DSG2: variants seen among roughly 807,000 people sequenced by gnomAD.
DSG2 encodes desmoglein 2, also known as desmoglein-2.
A neutral mutation model predicts 75.6 loss-of-function variants in DSG2; 45 were observed. That is an observed-to-expected ratio of 0.60 (90% CI 0.47 to 0.76). The LOEUF is 0.76. Ranked by LOEUF, DSG2 falls within the 30% of genes least tolerant of loss-of-function variation. The pLI, the probability that DSG2 is intolerant of heterozygous loss-of-function variation, is 0.00. For missense variants in DSG2, 1,267 were observed against 1,357.4 expected (o/e 0.93, Z 1.05); for synonymous variants, 429 against 483.9 (o/e 0.89, Z 1.49).
Position 31,548,652 on chromosome 18 carries a change from A to C in DSG2, c.*1909A>C, listed in dbSNP as rs554120617. 1.3e-5 allele frequency: 2 copies of C among 152,324 alleles called. No homozygotes were observed. The highest frequency in any genetic ancestry group is 2.1e-4 in the South Asian group (1 of 4,834). The allele number at this position is 152,324 out of a possible 1,614,324, so 9.4% of individuals were successfully genotyped here. The stretch of plus-strand genomic sequence containing the variant: ...AAATGTAAATATCACTTGTGTACTC[A>C]AACAAAAGTTGGTCTTAAGCTTCCA... On this transcript the variant is annotated 3_prime_UTR_variant, in exon 15 of 15. Transcript: ENST00000261590.
intron 1 of DSG2, among the ~76,000 whole-genome samples, chr18:31,502,117 A>G (rs961674487): frequency 6.6e-6 from 1 of 152,204 alleles, no homozygotes; most frequent in Non-Finnish European, 1.5e-5. Context: ...TTCTTTAATT[A>G]TAACTTAAGG....
chr18:31,531,226 G>A lies in DSG2; in HGVS notation c.1254G>A (p.Glu418=), dbSNP rs1296328458. 1.2e-6 allele frequency: 2 copies of A among 1,614,184 alleles called. No individual in the cohort carries two copies. The highest frequency in any genetic ancestry group is 8.5e-7 in the Non-Finnish European group (1 of 1,180,026). Residue 418 remains glutamate (E), a synonymous_variant, in exon 9 of 15, where the codon GAG becomes GAA. Transcript: ENST00000261590. ...QIIGNFQAFD[E]DTGLPAHARY... ...TTGGAAATTTTCAAGCTTTTGATGA[G>A]GACACTGGACTACCAGCCCATGCAA...
chr18:31,540,876 A>C (rs1442662357), intron 12 of DSG2, among the ~76,000 whole-genome samples: 1 of 152,272 alleles, frequency 6.6e-6, no homozygotes, highest in Middle Eastern at 3.4e-3. Context: ...TAAAAAAATT[A>C]ATCTTTAAGC....
At chr18:31,536,048 A>T (rs1173941526) in intron 10 of DSG2, among the ~76,000 whole-genome samples, 154 bp from the exon 11 acceptor site, 1 of 152,234 alleles carries the variant, frequency 6.6e-6, no homozygotes, top group African/African-American at 2.4e-5. Flanking sequence ...GGATTAAAAG[A>T]TATTACTTGG....
intron 1 of DSG2, among the ~76,000 whole-genome samples, chr18:31,512,878 G>A (rs572625794): frequency 6.6e-6 from 1 of 152,128 alleles, no homozygotes; most frequent in South Asian, 2.1e-4. Flanking sequence ...CATCCAACAG[G>A]GTAAGAATAT....
chr18:31,538,336 A>G (rs1014085143), intron 11 of DSG2, among the ~76,000 whole-genome samples: 8 of 152,256 alleles, frequency 5.3e-5, no homozygotes, highest in Non-Finnish European at 1.2e-4. Context: ...GAGGATGGGT[A>G]CCATGGGGGT....
Position 31,547,879 on chromosome 18 carries a change from G to A in DSG2, c.*1136G>A, listed in dbSNP as rs764985189. ...TTCTAAACAGCTACAATTCAGTGCAGCTACATTAACCAACTATGTTCTCTA... is the reference window on the plus strand; with the variant it reads ...TTCTAAACAGCTACAATTCAGTGCAACTACATTAACCAACTATGTTCTCTA... On this transcript the variant is annotated 3_prime_UTR_variant, in exon 15 of 15. Coordinates refer to ENST00000261590, the MANE Select transcript of DSG2 (RefSeq NM_001943.5). The A allele has an allele frequency of 3.3e-5, 5 of 152,086 alleles. 1 individual carries two copies. The highest frequency in any genetic ancestry group is 9.7e-5 in the African/African-American group (4 of 41,398). The allele number at this position is 152,086 out of a possible 1,614,324, so 9.4% of individuals were successfully genotyped here.
rs587782939 is a variant in DSG2, at chr18:31,524,889, G to A, written c.1014+1G>A. ...CGAAGGAATTGTGACCCTTATTAAG[G>A]TAAGTACTAAGTATTCAAAACTGGC... On this transcript the variant is annotated splice_donor_variant, in intron 8 of 14. Coordinates refer to ENST00000261590, the MANE Select transcript of DSG2 (RefSeq NM_001943.5). LOFTEE classifies it high-confidence loss of function. 1.9e-6 allele frequency: 3 copies of A among 1,614,000 alleles called. No individual in the cohort carries two copies. Among genetic ancestry groups the A allele is most frequent in the Admixed American group, 1.7e-5 (1 of 60,010 alleles).
rs1233398655 is a variant in DSG2, at chr18:31,538,619, A to G, written c.1652-132A>G. On this transcript the variant is annotated intron_variant, in intron 11 of 14. Coordinates refer to ENST00000261590, the MANE Select transcript of DSG2 (RefSeq NM_001943.5). ...CAAATTTTAATGAGCACACTTCAAT[A>G]AGTGAAGGAAGAACAAAGTACCTAA... The G allele has an allele frequency of 6.1e-6, 5 of 815,052 alleles. No individual in the cohort carries two copies. The African/African-American group carries it at 8.5e-5, about 14-fold the overall frequency. The allele number at this position is 815,052 out of a possible 1,614,324, so 50.5% of individuals were successfully genotyped here.
intron 2 of DSG2, among the ~76,000 whole-genome samples, chr18:31,518,510 C>T (rs72938891): frequency 0.015 from 2,234 of 152,204 alleles, 23 homozygotes; most frequent in Middle Eastern, 0.034. Flanking sequence ...AAAGAATGTC[C>T]ATGACGAGGT....
rs73416260 is a variant in DSG2 at position 31,525,107 on chromosome 18, G to T, written c.1014+219G>T. 0.024 allele frequency among the ~76,000 whole-genome samples: 3,602 copies of T among 152,278 alleles called. 153 individuals carry two copies. The highest frequency in any genetic ancestry group is 0.082 in the African/African-American group (3,392 of 41,542). ...TATCAGGGGACTCTAATCCTAGCCAGACAGCATGGTACCACCATCATTACT... is the reference window on the plus strand; with the variant it reads ...TATCAGGGGACTCTAATCCTAGCCATACAGCATGGTACCACCATCATTACT... On this transcript the variant is annotated intron_variant, in intron 8 of 14. Transcript: ENST00000261590.
At chr18:31,517,865 G>T (rs1383969018) in intron 1 of DSG2, among the ~76,000 whole-genome samples, 1 of 152,116 alleles carries the variant, frequency 6.6e-6, no homozygotes. Flanking sequence ...AGCTGGGTGT[G>T]GGGTACATTA....
chr18:31,527,287 A>G (rs1369992388), intron 8 of DSG2, among the ~76,000 whole-genome samples: 1 of 152,242 alleles, frequency 6.6e-6, no homozygotes, highest in African/African-American at 2.4e-5. Context: ...GTAGGTGTAT[A>G]GTAGGCTTTA....
chr18:31,535,566 C>T (rs968437771), intron 10 of DSG2, among the ~76,000 whole-genome samples, 154 bp downstream of exon 10: 1 of 152,098 alleles, frequency 6.6e-6, no homozygotes, highest in African/African-American at 2.4e-5. Flanking sequence ...GAGGCCAAGG[C>T]AGGTGGATCA....
At chr18:31,542,255 C>A in intron 13 of DSG2, 1 of 526,612 alleles carries the variant, frequency 1.9e-6, no homozygotes, top group South Asian at 2.1e-5. Context: ...GTTGAAATGC[C>A]ATTGGTCGCA....
intron 9 of DSG2, among the ~76,000 whole-genome samples, chr18:31,533,880 AT>A (rs756002105): frequency 1.8e-4 from 27 of 152,208 alleles, no homozygotes; most frequent in Non-Finnish European, 3.4e-4. Flanking sequence ...TAGAAAATAA[AT>A]TAACAATTTG....
At chr18:31,531,623 T>G (rs1171067974) in intron 9 of DSG2, among the ~76,000 whole-genome samples, 1 of 152,260 alleles carries the variant, frequency 6.6e-6, no homozygotes, top group Non-Finnish European at 1.5e-5. Flanking sequence ...ATCCACAAGA[T>G]TTACTTTATA....
chr18:31,531,323 C>A, intron 9 of DSG2, 71 bp downstream of exon 9: 2 of 1,520,070 alleles, frequency 1.3e-6, no homozygotes, highest in South Asian at 2.3e-5. Context: ...AAATCATAAT[C>A]AAATCTGAAC....
At chr18:31,527,609 T>A (rs1460509110) in intron 8 of DSG2, among the ~76,000 whole-genome samples, 1 of 152,164 alleles carries the variant, frequency 6.6e-6, no homozygotes, top group Non-Finnish European at 1.5e-5. Context: ...AAAAAAGATA[T>A]ACAAGTAGCA....
Sources: gnomAD v4.1 joint callset for allele counts (sites outside exome capture counted in the v4.1 genomes callset) on GRCh38, gnomAD v4.1.1 for gene constraint, MANE v1.5 for transcripts, NCBI Gene and HGNC (gene_info 2026-07-23, HGNC 2026-07-21) for gene names.